KLHL29: variants seen among roughly 807,000 people sequenced by gnomAD.
The protein encoded by KLHL29 is kelch like family member 29.
Under a neutral mutation model 80.4 loss-of-function variants are expected in KLHL29, and 21 were observed. The observed-to-expected ratio is 0.26, with a 90% confidence interval of 0.19 to 0.38. The LOEUF is 0.38. Among genes scored for constraint, KLHL29 ranks in the 10% least tolerant of loss-of-function variants. KLHL29 has a pLI of 1.00. For missense variants in KLHL29, 867 were observed against 1,223.9 expected (o/e 0.71, Z 4.35); for synonymous variants, 511 against 526.8 (o/e 0.97, Z 0.41).
At chr2:23,635,239 G>T (rs139524574) in intron 3 of KLHL29, among the ~76,000 whole-genome samples, 3 of 152,238 alleles carry the variant, frequency 2.0e-5, no homozygotes, top group Non-Finnish European at 2.9e-5. Context: ...TGAGCAAAGG[G>T]TACTCCATGG....
chr2:23,460,043 AG>A (rs1402888570), intron 1 of KLHL29, among the ~76,000 whole-genome samples: 1 of 152,242 alleles, frequency 6.6e-6, no homozygotes, highest in Non-Finnish European at 1.5e-5. Flanking sequence ...TGAAATGATG[AG>A]AAGTATTTGT....
At chr2:23,620,793 GA>G (rs1306620583) in intron 3 of KLHL29, among the ~76,000 whole-genome samples, 1 of 152,214 alleles carries the variant, frequency 6.6e-6, no homozygotes, top group Non-Finnish European at 1.5e-5. Flanking sequence ...GAACGTTCCA[GA>G]ACCCGGATAA....
At chr2:23,459,563 G>A (rs1407773014) in intron 1 of KLHL29, among the ~76,000 whole-genome samples, 1 of 152,198 alleles carries the variant, frequency 6.6e-6, no homozygotes, top group Non-Finnish European at 1.5e-5. Context: ...ATTAAAAACA[G>A]GAGATTGTTG....
At chr2:23,634,640 G>A (rs968791844) in intron 3 of KLHL29, among the ~76,000 whole-genome samples, 2 of 152,138 alleles carry the variant, frequency 1.3e-5, no homozygotes, top group African/African-American at 4.8e-5. Flanking sequence ...TCACACCCAA[G>A]CATCCGGAGG....
intron 3 of KLHL29, among the ~76,000 whole-genome samples, chr2:23,622,710 C>T (rs573124328): frequency 1.3e-4 from 20 of 152,334 alleles, no homozygotes; most frequent in Non-Finnish European, 2.2e-4. Context: ...GCCTTTAGGA[C>T]GCCCGCTGAG....
chr2:23,399,645 A>C (rs1190785622), intron 1 of KLHL29, among the ~76,000 whole-genome samples: 1 of 152,192 alleles, frequency 6.6e-6, no homozygotes, highest in Non-Finnish European at 1.5e-5. Context: ...CAGTTCACTG[A>C]GTTTCAATAA....
chr2:23,679,280 CA>C (rs1671010433), intron 5 of KLHL29, among the ~76,000 whole-genome samples: 1 of 152,192 alleles, frequency 6.6e-6, no homozygotes, highest in Non-Finnish European at 1.5e-5. Context: ...TACACTCAGC[CA>C]ATCTAGGTCA....
chr2:23,385,190 G>A lies in KLHL29; in HGVS notation c.-744G>A, dbSNP rs943431140. The A allele has an allele frequency of 6.9e-6, 1 of 145,112 alleles. No homozygotes were observed. The highest frequency in any genetic ancestry group is 1.5e-5 in the Non-Finnish European group (1 of 65,708). The allele number at this position is 145,112 out of a possible 1,614,324, so 9.0% of individuals were successfully genotyped here. The stretch of plus-strand genomic sequence containing the variant: ...CTCGCAGCTAAAGCAGACGGTACCC[G>A]GAGCGGAGCGAGCCAGAAGGGAGCA... On this transcript the variant is annotated 5_prime_UTR_variant, in exon 1 of 14. Coordinates refer to ENST00000486442, the MANE Select transcript of KLHL29 (RefSeq NM_052920.2).
rs1248661442 is a variant in KLHL29, at chr2:23,642,374, A to G, written c.464A>G (p.Asn155Ser). The change falls in exon 5 of 14, where the codon AAC (asparagine) becomes AGC (serine). Residue 155 changes from asparagine to serine, a missense_variant. Around this residue, in one of 2 missense-constraint regions of KLHL29, gnomAD observed 424 missense variants for 456.9 expected, o/e 0.93. Transcript: ENST00000486442. ...GPWVTTVAAG[N>S]QPTLIAHSYG... is the part of the protein sequence containing the mutation. ...TGGGTGACCACGGTGGCCGCCGGGAACCAGCCCACCCTGATTGCACACTCC... is the reference window on the plus strand; with the variant it reads ...TGGGTGACCACGGTGGCCGCCGGGAGCCAGCCCACCCTGATTGCACACTCC... 3 of 1,434,148 alleles carry G rather than the reference A, an allele frequency of 2.1e-6. No homozygotes were observed. The highest frequency in any genetic ancestry group is 1.8e-6 in the Non-Finnish European group (2 of 1,088,562). The allele number at this position is 1,434,148 out of a possible 1,614,324, so 88.8% of individuals were successfully genotyped here.
chr2:23,470,026 A>G (rs1033275174), intron 1 of KLHL29, among the ~76,000 whole-genome samples: 1 of 152,042 alleles, frequency 6.6e-6, no homozygotes, highest in African/African-American at 2.4e-5. Flanking sequence ...AAAAAAAAAA[A>G]AAGATTTTAA....
chr2:23,514,690 G>A (rs770218260), intron 2 of KLHL29, among the ~76,000 whole-genome samples: 29 of 152,294 alleles, frequency 1.9e-4, no homozygotes, highest in African/African-American at 5.1e-4. Flanking sequence ...TTGAGGCACC[G>A]TTAGGAAGAA....
chr2:23,438,175 T>G (rs1376302781), intron 1 of KLHL29, among the ~76,000 whole-genome samples: 3 of 150,952 alleles, frequency 2.0e-5, no homozygotes, highest in African/African-American at 7.4e-5. Flanking sequence ...CCTGAGACTT[T>G]GCTGAAGTTG....
chr2:23,625,578 C>T (rs1572447804), intron 3 of KLHL29, among the ~76,000 whole-genome samples: 1 of 152,166 alleles, frequency 6.6e-6, no homozygotes, highest in Non-Finnish European at 1.5e-5. Flanking sequence ...TCTGTGGGTG[C>T]CTGTCTCCAT....
At chr2:23,581,439 C>CGATG (rs1212258540) in intron 3 of KLHL29, among the ~76,000 whole-genome samples, 4 of 152,194 alleles carry the variant, frequency 2.6e-5, no homozygotes, top group African/African-American at 4.8e-5. Flanking sequence ...ACTCCACTTG[C>CGATG]GATGGAGTGT....
chr2:23,490,182 T>A (rs574156494), intron 2 of KLHL29, among the ~76,000 whole-genome samples: 1 of 152,332 alleles, frequency 6.6e-6, no homozygotes, highest in South Asian at 2.1e-4. Context: ...TTTTTGTGCC[T>A]TTTTACTTCT....
chr2:23,659,084 A>G (rs1670329920), intron 5 of KLHL29, among the ~76,000 whole-genome samples: 1 of 152,156 alleles, frequency 6.6e-6, no homozygotes, highest in South Asian at 2.1e-4. Context: ...CTGCTGACCG[A>G]TTTAGCAACT....
chr2:23,455,003 G>T (rs1664005376), intron 1 of KLHL29, among the ~76,000 whole-genome samples: 1 of 136,526 alleles, frequency 7.3e-6, no homozygotes, highest in Non-Finnish European at 1.5e-5. Flanking sequence ...CAGTGGGTTG[G>T]GGGGGGGGCA....
intron 3 of KLHL29, among the ~76,000 whole-genome samples, chr2:23,600,028 C>T (rs904155597): frequency 6.6e-6 from 1 of 152,142 alleles, no homozygotes; most frequent in East Asian, 1.9e-4. Context: ...GAAGCTTGCT[C>T]CCTGTTTAAA....
chr2:23,445,051 A>G (rs895822398), intron 1 of KLHL29, among the ~76,000 whole-genome samples: 13 of 152,182 alleles, frequency 8.5e-5, no homozygotes, highest in African/African-American at 2.7e-4. Flanking sequence ...TTTTCCTCAC[A>G]GTGTTATAAG....
Sources: gnomAD v4.1 joint callset for allele counts (sites outside exome capture counted in the v4.1 genomes callset) on GRCh38, gnomAD v4.1.1 for gene constraint, gnomAD v4.1.1 regional missense constraint, MANE v1.5 for transcripts, NCBI Gene and HGNC (gene_info 2026-07-23, HGNC 2026-07-21) for gene names.